EYS: variants seen among roughly 807,000 people sequenced by gnomAD.
The protein encoded by EYS is EGF-like photoreceptor maintenance factor, also known as protein eyes shut homolog.
A neutral mutation model predicts 282.1 loss-of-function variants in EYS; 250 were observed. That is an observed-to-expected ratio of 0.89 (90% confidence interval 0.80 to 0.98). The LOEUF (loss-of-function observed/expected upper bound fraction) is 0.98, where lower values mean the gene tolerates loss of function less well. EYS is among the 50% of genes least tolerant of loss of function. The pLI, the probability that EYS is intolerant of heterozygous loss-of-function variation, is 0.00. For synonymous variants in EYS, 1,355 were observed against 1,282.9 expected (o/e 1.06, Z -1.20); for missense variants, 4,016 against 3,709.0 (o/e 1.08, Z -2.15).
At chr6:65,586,879 C>T (rs1007256314) in intron 2 of EYS, among the ~76,000 whole-genome samples, 8 of 151,976 alleles carry the variant, frequency 5.3e-5, no homozygotes, top group African/African-American at 1.7e-4. Flanking sequence ...TTCTGTTCAA[C>T]TAAAATGCCT....
chr6:64,244,497 T>TA (rs1766942930), intron 30 of EYS, among the ~76,000 whole-genome samples: 1 of 152,196 alleles, frequency 6.6e-6, no homozygotes, highest in African/African-American at 2.4e-5. Flanking sequence ...GAATCGTTTT[T>TA]ATTCATCTAG....
At chr6:64,582,146 A>C (rs12660680) in intron 26 of EYS, among the ~76,000 whole-genome samples, 1 of 152,082 alleles carries the variant, frequency 6.6e-6, no homozygotes, top group Admixed American at 6.6e-5. Context: ...GTCATTGTAC[A>C]AAATTAGTCA....
intron 14 of EYS, among the ~76,000 whole-genome samples, chr6:64,979,302 T>G (rs1167822422): frequency 6.6e-6 from 1 of 151,726 alleles, no homozygotes; most frequent in African/African-American, 2.4e-5. Flanking sequence ...AAGATGAAAA[T>G]AAATTTTTCC....
chr6:64,338,841 C>T (rs1164511695), intron 29 of EYS, among the ~76,000 whole-genome samples: 1 of 151,878 alleles, frequency 6.6e-6, no homozygotes, highest in Non-Finnish European at 1.5e-5. Flanking sequence ...ATACTTACAG[C>T]CAACTGATCT....
chr6:65,191,340 T>G (rs1765636852), intron 12 of EYS, among the ~76,000 whole-genome samples: 1 of 151,852 alleles, frequency 6.6e-6, no homozygotes, highest in South Asian at 2.1e-4. Flanking sequence ...TCATTTGACC[T>G]AATGAATATT....
At chr6:64,736,271 A>G (rs192249760) in intron 22 of EYS, among the ~76,000 whole-genome samples, 2 of 152,260 alleles carry the variant, frequency 1.3e-5, no homozygotes, top group African/African-American at 4.8e-5. Flanking sequence ...AAAATGAGAT[A>G]CTTAAATACA....
intron 35 of EYS, among the ~76,000 whole-genome samples, chr6:63,930,885 C>G (rs1210913074): frequency 6.6e-6 from 1 of 152,120 alleles, no homozygotes; most frequent in Non-Finnish European, 1.5e-5. Context: ...TTGATTGAAC[C>G]CATAAACACC....
At chr6:65,086,652 G>A (rs1266173026) in intron 12 of EYS, among the ~76,000 whole-genome samples, 2 of 152,066 alleles carry the variant, frequency 1.3e-5, no homozygotes, top group East Asian at 1.9e-4. Context: ...CTGGTAAAAC[G>A]AGTCAGTGGA....
intron 5 of EYS, among the ~76,000 whole-genome samples, chr6:65,419,443 A>G (rs1024669726): frequency 2.0e-5 from 3 of 151,890 alleles, no homozygotes; most frequent in African/African-American, 7.2e-5. Flanking sequence ...ACAAAATATA[A>G]TTTATCAAAA....
At chr6:64,596,885 T>C (rs1766603239) in intron 24 of EYS, among the ~76,000 whole-genome samples, 1 of 152,154 alleles carries the variant, frequency 6.6e-6, no homozygotes, top group Non-Finnish European at 1.5e-5. Flanking sequence ...AAGGAGCTTC[T>C]GCATAGAAAA....
intron 26 of EYS, among the ~76,000 whole-genome samples, chr6:64,569,398 T>G (rs1208143897): frequency 6.6e-6 from 1 of 151,658 alleles, no homozygotes; most frequent in African/African-American, 2.4e-5. Context: ...ATATCACAGA[T>G]TGAAGAACAA....
At chr6:65,186,099 T>C (rs1333208488) in intron 12 of EYS, among the ~76,000 whole-genome samples, 1 of 151,754 alleles carries the variant, frequency 6.6e-6, no homozygotes, top group Non-Finnish European at 1.5e-5. Context: ...AGAAATTAAG[T>C]AGATAATCTG....
At chr6:64,356,242 A>C (rs1027288494) in intron 29 of EYS, among the ~76,000 whole-genome samples, 3 of 151,278 alleles carry the variant, frequency 2.0e-5, no homozygotes, top group Admixed American at 6.6e-5. Context: ...GTAGGTGTGT[A>C]TATTTATGGG....
chr6:65,317,824 TC>T (rs1769342401), intron 11 of EYS, among the ~76,000 whole-genome samples: 1 of 51,964 alleles, frequency 1.9e-5, no homozygotes, highest in Non-Finnish European at 3.4e-5. Flanking sequence ...CTTCCTTCCT[TC>T]CTTTCTTTCT....
intron 31 of EYS, among the ~76,000 whole-genome samples, chr6:64,215,330 AT>A (rs1765898297): frequency 6.6e-6 from 1 of 152,040 alleles, no homozygotes; most frequent in Non-Finnish European, 1.5e-5. Context: ...TTTCAAGTGT[AT>A]TTGTAAATAT....
At chr6:63,878,392 G>A (rs879313792) in intron 35 of EYS, among the ~76,000 whole-genome samples, 1 of 152,214 alleles carries the variant, frequency 6.6e-6, no homozygotes, top group Non-Finnish European at 1.5e-5. Flanking sequence ...CCCTTACTGG[G>A]AGGTGTCTTC....
Position 64,930,360 on chromosome 6 carries a change from T to G in EYS, c.2381+15433A>C, listed in dbSNP as rs147241480. ...TGTGAAGGAAAAATCTTTTAACTCT[T>G]AAAGATAGATATTGTGCCATAGATT... On this transcript the variant is annotated intron_variant, in intron 15 of 42. Transcript: ENST00000503581. 9.6e-4 allele frequency among the ~76,000 whole-genome samples: 146 copies of G among 151,768 alleles called. 2 individuals carry two copies. The highest frequency in any genetic ancestry group is 3.4e-3 in the African/African-American group (139 of 41,450).
At chr6:65,235,747 C>T (rs1766905806) in intron 12 of EYS, among the ~76,000 whole-genome samples, 1 of 151,938 alleles carries the variant, frequency 6.6e-6, no homozygotes, top group Admixed American at 6.6e-5. Flanking sequence ...TATGTGTGCA[C>T]CTCTTAAGTA....
intron 30 of EYS, among the ~76,000 whole-genome samples, chr6:64,258,925 A>G (rs1211580091): frequency 6.6e-6 from 1 of 152,050 alleles, no homozygotes; most frequent in African/African-American, 2.4e-5. Flanking sequence ...CAATACTGTG[A>G]GTCATTTGGA....
Sources: gnomAD v4.1 joint callset for allele counts (sites outside exome capture counted in the v4.1 genomes callset) on GRCh38, gnomAD v4.1.1 for gene constraint, MANE v1.5 for transcripts, NCBI Gene and HGNC (gene_info 2026-07-23, HGNC 2026-07-21) for gene names.